Variants in TIPIN observed in about 807,000 individuals in gnomAD.
TIPIN encodes the protein TIMELESS interacting protein, also known as TIMELESS-interacting protein.
TIPIN carries 29 observed loss-of-function variants against 35.6 expected under a neutral mutation model. The observed-to-expected ratio is 0.82, with a 90% CI of 0.61 to 1.11. The LOEUF is 1.11. TIPIN is among the 50% of genes most tolerant of loss of function. The pLI is 0.00. For missense variants in TIPIN, 296 were observed against 345.4 expected (o/e 0.86, Z 1.13); for synonymous variants, 102 against 121.5 (o/e 0.84, Z 1.06).
Position 66,384,558 on chromosome 15 carries a change from T to C in TIPIN, c.-9+2049A>G, listed in dbSNP as rs2093329462. Among the ~76,000 whole-genome samples the C allele has an allele frequency of 3.3e-5, 5 of 152,150 alleles. No individual in the cohort carries two copies. In the East Asian group the frequency reaches 9.7e-4, roughly 30 times the overall value. On this transcript the variant is annotated intron_variant, in intron 1 of 7. Coordinates refer to the TIPIN transcript ENST00000562124. ...ATCTTCCAGCTTTGGCCTCACAAAG[T>C]GCTGGGATTACAGGTGGTAGCCGCC... is the stretch of plus-strand genomic sequence containing the variant.
intron 6 of TIPIN, among the ~76,000 whole-genome samples, chr15:66,342,647 A>G (rs570045055): frequency 6.6e-6 from 1 of 152,334 alleles, no homozygotes; most frequent in Admixed American, 6.5e-5. Flanking sequence ...TACAAGCGTG[A>G]GCCAATGCAC....
intron 1 of TIPIN, among the ~76,000 whole-genome samples, chr15:66,370,235 G>A (rs552635296): frequency 6.6e-6 from 1 of 152,196 alleles, no homozygotes; most frequent in South Asian, 2.1e-4. Context: ...AAGCCAGAAC[G>A]AGGTCCCTAC....
upstream of TIPIN, among the ~76,000 whole-genome samples, chr15:66,359,986 T>C (rs2093224097): frequency 6.6e-6 from 1 of 152,160 alleles, no homozygotes; most frequent in Non-Finnish European, 1.5e-5. Flanking sequence ...TAGCTCACTG[T>C]AACCGTGAAC....
chr15:66,341,224 A>G lies in TIPIN; in HGVS notation c.608T>C (p.Ile203Thr), dbSNP rs1216062785. 4 of 1,613,280 alleles carry G rather than the reference A, an allele frequency of 2.5e-6. No individual in the cohort carries two copies. The highest frequency in any genetic ancestry group is 3.4e-6 in the Non-Finnish European group (4 of 1,180,018). Residue 203 changes from isoleucine to threonine, a missense_variant, in exon 7 of 8, where the codon ATT (isoleucine) becomes ACT (threonine). Coordinates refer to ENST00000261881, the MANE Select transcript of TIPIN (RefSeq NM_017858.3). Reference protein sequence around the residue: ...RSLTEEQQQRIERNKQLALER... With the variant: ...RSLTEEQQQRTERNKQLALER... ...CAAGGCCAGTTGTTTATTTCTCTCA[A>G]TTCTTTGTTGTTGCTCTTCTGTTAG...
Position 66,351,590 on chromosome 15 carries a change from C to G in TIPIN, c.223G>C (p.Glu75Gln). Residue 75 changes from glutamate to glutamine, a missense_variant, in exon 4 of 8, where the codon GAG becomes CAG. Coordinates refer to ENST00000261881, the MANE Select transcript of TIPIN (RefSeq NM_017858.3). ...PKLDAQRLISERGLPALRHVF... is the reference protein window; with the variant it reads ...PKLDAQRLISQRGLPALRHVF... ...TGCCTTAAGGCTGGAAGTCCTCTCT[C>G]TGAAATTAATCTGTGAATAAAAGTA... is the stretch of plus-strand genomic sequence containing the variant. 6.2e-7 allele frequency: 1 copy of G among 1,609,472 alleles called. No individual in the cohort carries two copies. Among genetic ancestry groups the G allele is most frequent in the East Asian group, 2.2e-5 (1 of 44,830 alleles).
chr15:66,375,879 T>G (rs1255050098), intron 1 of TIPIN, among the ~76,000 whole-genome samples: 2 of 148,732 alleles, frequency 1.3e-5, no homozygotes, highest in African/African-American at 4.9e-5. Context: ...AAGTGGGAGA[T>G]CACTTGAGGC....
rs62627270 is a variant in TIPIN, at chr15:66,353,993, C to T, written c.-8-1038G>A. Among the ~76,000 whole-genome samples the T allele has an allele frequency of 2.0e-3, 311 of 152,230 alleles. 1 individual carries two copies. Among genetic ancestry groups the T allele is most frequent in the African/African-American group, 7.0e-3 (289 of 41,558 alleles). On this transcript the variant is annotated intron_variant, in intron 1 of 7. Transcript: ENST00000261881. ...AAAAATTTAGCCAGGTGTTGTGGCA[C>T]GCACCTGTAGTCCCAGCTACTCAGG...
intron 7 of TIPIN, 112 bp downstream of exon 7, chr15:66,341,038 C>T (rs2140441617): frequency 4.4e-6 from 4 of 904,500 alleles, no homozygotes; most frequent in Admixed American, 2.4e-5. Flanking sequence ...CTTAATATCA[C>T]ACTTTTCCAC....
chr15:66,339,131 C>CAAAAAAAAAAAAAAAAAAAAAAA (rs35065958), intron 7 of TIPIN, among the ~76,000 whole-genome samples: 1 of 20,594 alleles, frequency 4.9e-5, no homozygotes, highest in African/African-American at 3.6e-4. Context: ...GACTCCATCT[C>CAAAAAAAAAAAAAAAAAAAAAAA]AAAAAAAAAA....
In TIPIN at chr15:66,362,423, T is replaced by G. The variant is rs530765135; in HGVS notation, c.-8-9468A>C. On this transcript the variant is annotated intron_variant, in intron 1 of 7. Transcript: ENST00000562124. ...TATATAGGCTCTCAGAGATCAGGTT[T>G]GAAAGAAGAGAAATGGAGGCTGGGC... Among the ~76,000 whole-genome samples, 4 of 151,640 alleles carry G rather than the reference T, an allele frequency of 2.6e-5. No homozygotes were observed. The South Asian group carries it at 8.4e-4, about 32-fold the overall frequency.
intron 1 of TIPIN, among the ~76,000 whole-genome samples, chr15:66,385,502 T>A (rs1223818185): frequency 6.6e-6 from 1 of 152,154 alleles, no homozygotes; most frequent in Non-Finnish European, 1.5e-5. Context: ...AGTTCTTTTT[T>A]TTTTTGAGAC....
upstream of TIPIN, among the ~76,000 whole-genome samples, chr15:66,360,238 T>C (rs1310972128): frequency 1.3e-5 from 2 of 151,924 alleles, no homozygotes; most frequent in African/African-American, 4.8e-5. Flanking sequence ...AAAATAAAAA[T>C]AAAAGTAAAA....
At chr15:66,353,039 T>C in intron 1 of TIPIN, 84 bp from the exon 2 acceptor site, 1 of 1,359,684 alleles carries the variant, frequency 7.4e-7, no homozygotes, top group Non-Finnish European at 9.9e-7. Flanking sequence ...CCATTTCATG[T>C]GTTTCAATCA....
At chr15:66,382,486 CA>C (rs1255352349) in intron 1 of TIPIN, among the ~76,000 whole-genome samples, 28 of 152,178 alleles carry the variant, frequency 1.8e-4, no homozygotes, top group Admixed American at 1.2e-3. Context: ...GCGATCATCC[CA>C]CCTCAGCCTC....
At chr15:66,384,224 C>T (rs1000400967) in intron 1 of TIPIN, among the ~76,000 whole-genome samples, 6 of 151,524 alleles carry the variant, frequency 4.0e-5, no homozygotes, top group African/African-American at 1.5e-4. Context: ...GTCTCGATTT[C>T]CTGACCTCGT....
At chr15:66,357,961 A>C (rs2140474879), upstream of TIPIN, among the ~76,000 whole-genome samples, 1 of 152,250 alleles carries the variant, frequency 6.6e-6, no homozygotes, top group East Asian at 1.9e-4. Context: ...GTCTCAAAAA[A>C]AAAAAAAGTT....
In TIPIN at chr15:66,379,938, G is replaced by C; in HGVS notation, c.-9+6669C>G. The C allele has an allele frequency of 3.4e-6, 4 of 1,162,906 alleles. No homozygotes were observed. In the South Asian group the frequency reaches 5.4e-5, roughly 16 times the overall value. The allele number at this position is 1,162,906 out of a possible 1,614,324, so 72.0% of individuals were successfully genotyped here. Reference sequence around the variant, plus strand: ...CACTCTCGCAGTACACACGGCAAAGGACCTGGAATTTATTATAGGATAAAA... The same window carrying C: ...CACTCTCGCAGTACACACGGCAAAGCACCTGGAATTTATTATAGGATAAAA... On this transcript the variant is annotated intron_variant, in intron 1 of 7. Coordinates refer to the TIPIN transcript ENST00000562124.
At chr15:66,377,799 C>A (rs112584182) in intron 1 of TIPIN, among the ~76,000 whole-genome samples, 166 of 152,284 alleles carry the variant, frequency 1.1e-3, no homozygotes, top group African/African-American at 3.8e-3. Flanking sequence ...GCCTCAGACT[C>A]CCGAGTAGCA....
chr15:66,376,869 G>T (rs2015525710), intron 1 of TIPIN, among the ~76,000 whole-genome samples: 1 of 151,570 alleles, frequency 6.6e-6, no homozygotes, highest in South Asian at 2.1e-4. Flanking sequence ...AACACTTTGG[G>T]AGGCCAAGAC....
Sources: gnomAD v4.1 joint callset for allele counts (sites outside exome capture counted in the v4.1 genomes callset) on GRCh38, gnomAD v4.1.1 for gene constraint, MANE v1.5 for transcripts, NCBI Gene and HGNC (gene_info 2026-07-23, HGNC 2026-07-21) for gene names.